Variants in CASP1 observed in about 807,000 individuals in gnomAD.
The protein encoded by CASP1 is caspase 1.
Under a neutral mutation model 41.2 loss-of-function variants are expected in CASP1, and 31 were observed. The ratio of observed to expected loss-of-function variants is 0.75; its 90% CI spans 0.57 to 1.02. The LOEUF is 1.02. Among genes scored for constraint, CASP1 ranks in the 50% least tolerant of loss-of-function variants. CASP1 has a pLI of 0.00. For missense variants in CASP1, 490 were observed against 495.7 expected (o/e 0.99, Z 0.11); for synonymous variants, 163 against 166.5 (o/e 0.98, Z 0.16).
chr11:105,026,328 C>G lies in CASP1; in HGVS notation c.1145G>C (p.Gly382Ala). ...TTCAGTGGTGGGCATCTGCGCTCTA[C>G]CATCTGGCTGCTCAAATGAAAATCG... ...KVRFSFEQPD[G>A]RAQMPTTERV... is the part of the protein sequence containing the mutation. Residue 382 changes from glycine to alanine, a missense_variant, in exon 9 of 9, where the codon GGT becomes GCT. By Grantham distance (60) the Gly-to-Ala change is moderately conservative (BLOSUM62 0). Transcript: ENST00000533400. 6.2e-7 allele frequency: 1 copy of G among 1,611,440 alleles called. No homozygotes were observed. The highest frequency in any genetic ancestry group is 8.5e-7 in the Non-Finnish European group (1 of 1,178,116).
intron 7 of CASP1, 37 bp from the exon 8 acceptor site, chr11:105,026,988 T>C (rs759842067): frequency 8.6e-7 from 1 of 1,167,292 alleles, no homozygotes; most frequent in East Asian, 2.3e-5. Context: ...CAAGACTGGC[T>C]CTTGCCTGAA....
In CASP1 at chr11:105,032,241, T is replaced by C. The variant is rs377753576; in HGVS notation, c.337+823A>G. Among the ~76,000 whole-genome samples, 78 of 152,294 alleles carry C rather than the reference T, an allele frequency of 5.1e-4. 3 individuals are homozygous for C. In the South Asian group the frequency reaches 0.015, roughly 29 times the overall value. On this transcript the variant is annotated intron_variant, in intron 3 of 8. Coordinates refer to ENST00000533400, the MANE Select transcript of CASP1 (RefSeq NM_001257118.3). The stretch of plus-strand genomic sequence containing the variant: ...AGAATAGATATATTGGAAAAAATTA[T>C]AGAATAATCATTTGTTGGATAAAAT...
chr11:105,029,651 G>A lies in CASP1; in HGVS notation c.862+14C>T, dbSNP rs1170283457. 2 of 1,571,006 alleles carry A rather than the reference G, an allele frequency of 1.3e-6. No homozygotes were observed. Among genetic ancestry groups the A allele is most frequent in the Non-Finnish European group, 1.8e-6 (2 of 1,141,242 alleles). ...ATTTGATTGTCTGGTGTTCTCAAAG[G>A]CATCAGCACTCACCACCACGGCAGG... is the stretch of plus-strand genomic sequence containing the variant. On this transcript the variant is annotated intron_variant, in intron 6 of 8. Transcript: ENST00000533400.
In CASP1 at chr11:105,026,159, C is replaced by A; in HGVS notation, c.*99G>T. Reference sequence around the variant, plus strand: ...ATTCTCAGCCTGTAAACCTAGAGTTCTTGACTCAAATGGACTTTCAGTACC... The same window carrying A: ...ATTCTCAGCCTGTAAACCTAGAGTTATTGACTCAAATGGACTTTCAGTACC... On this transcript the variant is annotated 3_prime_UTR_variant, in exon 9 of 9. Transcript: ENST00000533400. 2 of 733,014 alleles carry A rather than the reference C, an allele frequency of 2.7e-6. No individual in the cohort carries two copies. Among genetic ancestry groups the A allele is most frequent in the Non-Finnish European group, 4.6e-6 (2 of 433,708 alleles). The allele number at this position is 733,014 out of a possible 1,614,324, so 45.4% of individuals were successfully genotyped here.
chr11:105,034,236 G>A lies in CASP1; in HGVS notation c.246C>T (p.Tyr82=). The change falls in exon 2 of 9, where the codon TAC becomes TAT. Residue 82 remains tyrosine (Y), a synonymous_variant. Transcript: ENST00000533400. ...CTGAGAGTCCCAGCGTCCCTGCCAGGTAACTGTCTTCTTCACAAATGTATG... is the reference window on the plus strand; with the variant it reads ...CTGAGAGTCCCAGCGTCCCTGCCAGATAACTGTCTTCTTCACAAATGTATG... The part of the protein sequence containing the change: ...CITYICEEDS[Y]LAGTLGLSAD... 6.2e-7 allele frequency: 1 copy of A among 1,614,104 alleles called. No individual in the cohort carries two copies. The highest frequency in any genetic ancestry group is 1.1e-5 in the South Asian group (1 of 91,088).
At chr11:105,035,345 G>T, upstream of CASP1, 1 of 565,872 alleles carries the variant, frequency 1.8e-6, no homozygotes, top group South Asian at 2.3e-5. Flanking sequence ...ATGGGGCTTG[G>T]AGAGTAAGAC....
intron 5 of CASP1, 117 bp downstream of exon 5, chr11:105,030,213 A>G: frequency 1.1e-6 from 1 of 894,410 alleles, no homozygotes; most frequent in East Asian, 2.4e-5. Flanking sequence ...TCTCATGGCA[A>G]GTTTGTATTT....
chr11:105,034,100 C>T, intron 2 of CASP1, 108 bp downstream of exon 2: 1 of 1,587,178 alleles, frequency 6.3e-7, no homozygotes, highest in Non-Finnish European at 8.6e-7. Context: ...GGCCCTGAAG[C>T]CAGAAATAAG....
In CASP1 at chr11:105,034,355, C is replaced by G; in HGVS notation, c.127G>C (p.Val43Leu). 6.2e-7 allele frequency: 1 copy of G among 1,614,146 alleles called. No homozygotes were observed. Among genetic ancestry groups the G allele is most frequent in the African/African-American group, 1.3e-5 (1 of 75,042 alleles). The change falls in exon 2 of 9, where the codon GTA becomes CTA. Residue 43 changes from valine (V) to leucine (L), a missense_variant. By Grantham distance (32) the Val-to-Leu change is conservative (BLOSUM62 1). Coordinates refer to ENST00000533400, the MANE Select transcript of CASP1 (RefSeq NM_001257118.3). ...RVLNKEEMEK[V>L]KRENATVMDK... ...ATAACTGTAGCATTTTCACGTTTTA[C>G]TTTCTCCATCTCTTCCTTGTTCAGC...
At chr11:105,027,986 A>C (rs1292067088) in intron 7 of CASP1, among the ~76,000 whole-genome samples, 1 of 152,092 alleles carries the variant, frequency 6.6e-6, no homozygotes, top group Non-Finnish European at 1.5e-5. Context: ...TAAATCAGCC[A>C]GATTGATAAT....
In CASP1 at chr11:105,026,943, A is replaced by G; in HGVS notation, c.1015T>C (p.Ser339Pro). ...GAGCCCATTGTGGGATGTCTCCAAG[A>G]AACATTATCTATGGATAAAGCACAT... ...AFCSSTPDNV[S>P]WRHPTMGSVF... is the part of the protein sequence containing the mutation. The change falls in exon 8 of 9, where the codon TCT (serine) becomes CCT (proline). Residue 339 changes from serine (S) to proline (P), a missense_variant. By Grantham distance (74) the Ser-to-Pro change is moderately conservative (BLOSUM62 -1). Transcript: ENST00000533400. 6.4e-7 allele frequency: 1 copy of G among 1,563,238 alleles called. No individual in the cohort carries two copies. Among genetic ancestry groups the G allele is most frequent in the Non-Finnish European group, 8.8e-7 (1 of 1,133,836 alleles).
upstream of CASP1, among the ~76,000 whole-genome samples, chr11:105,035,616 C>CTTTTTTTTTTTTTTTTTTTTTTTTTTTT (rs770202897): frequency 3.8e-5 from 2 of 52,082 alleles, no homozygotes; most frequent in African/African-American, 1.0e-4. Flanking sequence ...TTTTTTCTTT[C>CTTTTTTTTTTTTTTTTTTTTTTTTTTTT]TGTTTTTTTT....
chr11:105,034,280 C>A lies in CASP1; in HGVS notation c.202G>T (p.Ala68Ser), dbSNP rs753192611. The A allele has an allele frequency of 1.9e-6, 3 of 1,614,136 alleles. No individual in the cohort carries two copies. Among genetic ancestry groups the A allele is most frequent in the East Asian group, 2.2e-5 (1 of 44,866 alleles). The change falls in exon 2 of 9, where the codon GCA (alanine) becomes TCA (serine). Residue 68 changes from alanine to serine, a missense_variant. By Grantham distance (99) the Ala-to-Ser change is moderately conservative. Transcript: ENST00000533400. ...IDSVIPKGAQ[A>S]CQICITYICE... ...ATGTATGTGATGCAAATTTGGCATG[C>A]CTGTGCCCCTTTCGGAATAACGGAG...
At chr11:105,028,056 G>T (rs1238335068) in intron 7 of CASP1, among the ~76,000 whole-genome samples, 1 of 152,162 alleles carries the variant, frequency 6.6e-6, no homozygotes, top group East Asian at 1.9e-4. Flanking sequence ...GTGGAAGGCT[G>T]GGATCAAAGG....
intron 3 of CASP1, among the ~76,000 whole-genome samples, chr11:105,031,501 T>A (rs1026435281): frequency 1.3e-5 from 2 of 152,190 alleles, no homozygotes. Flanking sequence ...TTCTTTCATA[T>A]TTCAGGATCA....
upstream of CASP1, among the ~76,000 whole-genome samples, chr11:105,035,920 G>T (rs778044537): frequency 1.8e-4 from 27 of 151,992 alleles, no homozygotes; most frequent in Non-Finnish European, 2.1e-4. Flanking sequence ...CATCCTGGAG[G>T]GTTTATTTTT....
chr11:105,030,400 A>T lies in CASP1; in HGVS notation c.557T>A (p.Ile186Asn). 2 of 1,613,702 alleles carry T rather than the reference A, an allele frequency of 1.2e-6. No individual in the cohort carries two copies. Among genetic ancestry groups the T allele is most frequent in the Non-Finnish European group, 1.7e-6 (2 of 1,179,742 alleles). The part of the protein sequence containing the change: ...IPRRTGAEVD[I>N]TGMTMLLQNL... ...TTGTAGCAGCATTGTCATGCCTGTG[A>T]TGTCAACCTCAGCTCCAGTTCTTCT... Residue 186 changes from isoleucine (I) to asparagine (N), a missense_variant, in exon 5 of 9, where the codon ATC becomes AAC. Physicochemically the swap from Ile to Asn is moderately radical, Grantham distance 149. Coordinates refer to ENST00000533400, the MANE Select transcript of CASP1 (RefSeq NM_001257118.3).
Position 105,034,350 on chromosome 11 carries a change from T to G in CASP1, c.132A>C (p.Lys44Asn), listed in dbSNP as rs1315838824. The G allele has an allele frequency of 6.2e-7, 1 of 1,614,126 alleles. No homozygotes were observed. Among genetic ancestry groups the G allele is most frequent in the Non-Finnish European group, 8.5e-7 (1 of 1,179,980 alleles). ...TATCCATAACTGTAGCATTTTCACG[T>G]TTTACTTTCTCCATCTCTTCCTTGT... ...VLNKEEMEKV[K>N]RENATVMDKT... Residue 44 changes from lysine (K) to asparagine (N), a missense_variant, in exon 2 of 9, where the codon AAA (lysine) becomes AAC (asparagine). Coordinates refer to ENST00000533400, the MANE Select transcript of CASP1 (RefSeq NM_001257118.3).
intron 4 of CASP1, 132 bp downstream of exon 4, chr11:105,031,033 T>G: frequency 1.6e-6 from 1 of 627,234 alleles, no homozygotes. Flanking sequence ...AAATCCTTTA[T>G]GTAAGGGGAG....
Sources: gnomAD v4.1 joint callset for allele counts (sites outside exome capture counted in the v4.1 genomes callset) on GRCh38, gnomAD v4.1.1 for gene constraint, MANE v1.5 for transcripts, NCBI Gene and HGNC (gene_info 2026-07-23, HGNC 2026-07-21) for gene names.